The following ADAMTS12 variants were observed in gnomAD, a reference collection of about 807,000 sequenced individuals.
The protein encoded by ADAMTS12 is ADAM metallopeptidase with thrombospondin type 1 motif 12, also known as A disintegrin and metalloproteinase with thrombospondin motifs 12.
ADAMTS12 carries 118 observed loss-of-function variants against 167.8 expected under a neutral mutation model. That is an observed-to-expected ratio of 0.70 (90% CI 0.61 to 0.82). The LOEUF is 0.82. Among genes scored for constraint, ADAMTS12 ranks in the 40% least tolerant of loss-of-function variants. ADAMTS12 has a pLI of 0.00. For missense variants in ADAMTS12, 1,916 were observed against 1,998.8 expected, an observed-to-expected ratio of 0.96 and a Z score of 0.79; for synonymous variants, 704 against 716.9, an observed-to-expected ratio of 0.98 and a Z score of 0.29.
intron 3 of ADAMTS12, among the ~76,000 whole-genome samples, chr5:33,705,190 T>A (rs998867184): frequency 1.3e-5 from 2 of 152,036 alleles, no homozygotes; most frequent in Non-Finnish European, 2.9e-5. Context: ...TCACTTAGAA[T>A]AATGGTCTCC....
At chr5:33,629,661 C>T (rs945001019) in intron 13 of ADAMTS12, among the ~76,000 whole-genome samples, 46 of 152,252 alleles carry the variant, frequency 3.0e-4, no homozygotes, top group African/African-American at 9.4e-4. Context: ...TGACATCTGC[C>T]CAGCAACTTC....
At chr5:33,826,061 G>T (rs1748056410) in intron 2 of ADAMTS12, among the ~76,000 whole-genome samples, 1 of 152,088 alleles carries the variant, frequency 6.6e-6, no homozygotes, top group Non-Finnish European at 1.5e-5. Context: ...CAGTTAGGAG[G>T]TGTTAAAAAA....
intron 2 of ADAMTS12, among the ~76,000 whole-genome samples, chr5:33,873,455 T>C (rs1750116538): frequency 6.6e-6 from 1 of 152,188 alleles, no homozygotes; most frequent in Non-Finnish European, 1.5e-5. Flanking sequence ...TGCTAATGGA[T>C]AGGAAGATTC....
intron 2 of ADAMTS12, among the ~76,000 whole-genome samples, chr5:33,758,677 G>A (rs1433543822): frequency 6.6e-6 from 1 of 152,156 alleles, no homozygotes; most frequent in Admixed American, 6.6e-5. Context: ...ATGGCAGAAG[G>A]GTAGAGAGAA....
rs1442644302 is a variant in ADAMTS12 at position 33,751,563 on chromosome 5, A to C, written c.490-15T>G. On this transcript the variant is annotated splice_polypyrimidine_tract_variant and intron_variant, in intron 2 of 23. Transcript: ENST00000504830. ...AAAAATCCAGTCTGTAAATACATTC[A>C]GTAAGAAAGTTTATTTTAACCAATT... 1.9e-6 allele frequency: 3 copies of C among 1,611,140 alleles called. No homozygotes were observed. Among genetic ancestry groups the C allele is most frequent in the Non-Finnish European group, 2.5e-6 (3 of 1,178,920 alleles).
intron 2 of ADAMTS12, among the ~76,000 whole-genome samples, chr5:33,845,808 T>G (rs144077215): frequency 6.6e-6 from 1 of 152,258 alleles, no homozygotes; most frequent in East Asian, 1.9e-4. Flanking sequence ...CTGCCAAAGA[T>G]GCCATCTCTC....
chr5:33,828,417 C>T (rs1748170927), intron 2 of ADAMTS12, among the ~76,000 whole-genome samples: 2 of 152,164 alleles, frequency 1.3e-5, no homozygotes, highest in Non-Finnish European at 2.9e-5. Context: ...CTTTTAGACA[C>T]CAAACTCTTC....
chr5:33,788,872 G>A (rs775016572), intron 2 of ADAMTS12, among the ~76,000 whole-genome samples: 17 of 152,208 alleles, frequency 1.1e-4, no homozygotes, highest in Non-Finnish European at 1.9e-4. Flanking sequence ...ATCCTCTTTC[G>A]TTCAGATGCA....
At chr5:33,780,765 C>T (rs1410898842) in intron 2 of ADAMTS12, among the ~76,000 whole-genome samples, 2 of 152,158 alleles carry the variant, frequency 1.3e-5, no homozygotes, top group African/African-American at 4.8e-5. Flanking sequence ...TCAAGCACCC[C>T]TTGCTTCCCA....
chr5:33,639,528 C>T (rs1320407031), intron 11 of ADAMTS12, among the ~76,000 whole-genome samples: 1 of 152,188 alleles, frequency 6.6e-6, no homozygotes, highest in Non-Finnish European at 1.5e-5. Flanking sequence ...GAAAGTCCTT[C>T]TCAGTGCAAA....
At chr5:33,680,763 G>T (rs375624271) in intron 5 of ADAMTS12, among the ~76,000 whole-genome samples, 66 of 152,304 alleles carry the variant, frequency 4.3e-4, no homozygotes, top group Middle Eastern at 3.4e-3. Flanking sequence ...GGCAAAGCTA[G>T]TTCAAAGGCA....
Position 33,648,837 on chromosome 5 carries a change from G to T in ADAMTS12, c.1464C>A (p.Phe488Leu). Reference sequence around the variant, plus strand: ...GTACACTTACTTCTACTTCCTGGCAGAAGGTAGCATTGGGTCCATATTGTA... The same window carrying T: ...GTACACTTACTTCTACTTCCTGGCATAAGGTAGCATTGGGTCCATATTGTA... ...CQLQYGPNAT[F>L]CQEVENVCQT... The change falls in exon 9 of 24, where the codon TTC (phenylalanine) becomes TTA (leucine). Residue 488 changes from phenylalanine to leucine, a missense_variant. Coordinates refer to ENST00000504830, the MANE Select transcript of ADAMTS12 (RefSeq NM_030955.4). 2 of 1,614,060 alleles carry T rather than the reference G, an allele frequency of 1.2e-6. No individual in the cohort carries two copies. Among genetic ancestry groups the T allele is most frequent in the Non-Finnish European group, 1.7e-6 (2 of 1,179,960 alleles).
intron 16 of ADAMTS12, among the ~76,000 whole-genome samples, chr5:33,602,909 T>C (rs1301352469): frequency 1.3e-5 from 2 of 152,224 alleles, no homozygotes; most frequent in African/African-American, 4.8e-5. Flanking sequence ...GCATGGTCTT[T>C]GCAGTTTTCA....
chr5:33,676,703 CACACAGAG>C (rs1373930468), intron 5 of ADAMTS12, among the ~76,000 whole-genome samples: 15 of 149,798 alleles, frequency 1.0e-4, no homozygotes, highest in Non-Finnish European at 1.0e-4. Context: ...CACACACACA[CACACAGAG>C]AGAGAGAGAG....
intron 3 of ADAMTS12, among the ~76,000 whole-genome samples, chr5:33,704,008 G>A (rs1395787127): frequency 2.6e-5 from 4 of 152,220 alleles, no homozygotes; most frequent in Non-Finnish European, 2.9e-5. Context: ...TTCTAATGAC[G>A]AATAAGCTTT....
rs535467888 is a variant in ADAMTS12, at chr5:33,788,969, C to T, written c.490-37421G>A. The stretch of plus-strand genomic sequence containing the variant: ...CAGAGGTTCTTCCCTTCCCAGGAGT[C>T]TAAGAATCTCCCTAACAGTGAAATC... On this transcript the variant is annotated intron_variant, in intron 2 of 23. Transcript: ENST00000504830. 1.8e-4 allele frequency among the ~76,000 whole-genome samples: 28 copies of T among 152,302 alleles called. No homozygotes were observed. In the South Asian group the frequency reaches 3.5e-3, roughly 19 times the overall value.
At chr5:33,786,931 G>A (rs1746348104) in intron 2 of ADAMTS12, among the ~76,000 whole-genome samples, 1 of 152,158 alleles carries the variant, frequency 6.6e-6, no homozygotes, top group African/African-American at 2.4e-5. Context: ...CATCAGAAGG[G>A]ATCCCCCTCT....
At chr5:33,810,595 G>C (rs1323884757) in intron 2 of ADAMTS12, among the ~76,000 whole-genome samples, 1 of 152,190 alleles carries the variant, frequency 6.6e-6, no homozygotes, top group Admixed American at 6.5e-5. Flanking sequence ...AAAAAGTGAA[G>C]TAATTTCTAG....
chr5:33,849,713 CAATATAT>C, intron 2 of ADAMTS12, among the ~76,000 whole-genome samples: 1 of 143,826 alleles, frequency 7.0e-6, no homozygotes, highest in African/African-American at 2.6e-5. Context: ...TATTGCATAG[CAATATAT>C]AGTATCTATA....
Sources: gnomAD v4.1 joint callset for allele counts (sites outside exome capture counted in the v4.1 genomes callset) on GRCh38, gnomAD v4.1.1 for gene constraint, MANE v1.5 for transcripts, NCBI Gene and HGNC (gene_info 2026-07-23, HGNC 2026-07-21) for gene names.